Variants in GCSAM observed in about 807,000 individuals in gnomAD.
The protein encoded by GCSAM is germinal center associated signaling and motility.
In GCSAM, 8 loss-of-function variants were observed where a neutral mutation model predicts 17.6. That is an observed-to-expected ratio of 0.46 (90% CI 0.27 to 0.82). The LOEUF (loss-of-function observed/expected upper bound fraction) is 0.82. GCSAM is among the 40% of genes least tolerant of loss of function. GCSAM has a pLI of 0.15. For synonymous variants in GCSAM, 68 were observed against 69.0 expected (o/e 0.98, Z 0.07); for missense variants, 192 against 213.5 (o/e 0.90, Z 0.63).
chr3:112,131,554 T>A (rs770360348), intron 1 of GCSAM, among the ~76,000 whole-genome samples: 1 of 152,168 alleles, frequency 6.6e-6, no homozygotes, highest in Non-Finnish European at 1.5e-5. Context: ...CTCAAACTCC[T>A]GGGCTCAAGC....
intron 2 of GCSAM, chr3:112,128,571 T>C (rs2074382565): frequency 4.0e-6 from 1 of 248,078 alleles, no homozygotes; most frequent in South Asian, 5.2e-5. Flanking sequence ...TTCATCGTGG[T>C]ATGTATTTCC....
chr3:112,130,343 C>T (rs1446954213), intron 2 of GCSAM, 102 bp downstream of exon 2: 30 of 909,992 alleles, frequency 3.3e-5, no homozygotes, highest in Non-Finnish European at 4.8e-5. Context: ...TGCTACTGGT[C>T]TAAACAGGGC....
chr3:112,132,398 G>A (rs902444126), intron 1 of GCSAM, among the ~76,000 whole-genome samples: 2 of 152,108 alleles, frequency 1.3e-5, no homozygotes, highest in Non-Finnish European at 2.9e-5. Flanking sequence ...CTTGTCTGTG[G>A]TGGCACTATT....
In GCSAM at chr3:112,133,140, C is replaced by A; in HGVS notation, c.-20G>T. 3 of 1,613,784 alleles carry A rather than the reference C, an allele frequency of 1.9e-6. No homozygotes were observed. The highest frequency in any genetic ancestry group is 1.1e-5 in the South Asian group (1 of 91,070). ...TCCCATCCTCTCAGTCCTCTCAGGG[C>A]TTCCCCTCCGTCCCTTTACCACTTC... On this transcript the variant is annotated 5_prime_UTR_variant, in exon 1 of 6. Transcript: ENST00000308910.
chr3:112,127,236 C>T (rs2074346172), intron 3 of GCSAM, among the ~76,000 whole-genome samples: 1 of 152,154 alleles, frequency 6.6e-6, no homozygotes, highest in Non-Finnish European at 1.5e-5. Context: ...GCCTCTTTCT[C>T]TCTCTCCTCC....
intron 3 of GCSAM, 130 bp downstream of exon 3, chr3:112,127,887 C>A: frequency 1.4e-6 from 1 of 723,056 alleles, no homozygotes; most frequent in Non-Finnish European, 2.5e-6. Context: ...CTGATTAACT[C>A]TTAGGTGATT....
At chr3:112,125,114 C>A in intron 5 of GCSAM, 112 bp downstream of exon 5, 1 of 755,854 alleles carries the variant, frequency 1.3e-6, no homozygotes, top group Non-Finnish European at 2.4e-6. Flanking sequence ...CATCTAAAGT[C>A]TTTCTCCATG....
intron 1 of GCSAM, 68 bp downstream of exon 1, chr3:112,133,024 T>C: frequency 6.5e-7 from 1 of 1,533,586 alleles, no homozygotes; most frequent in Non-Finnish European, 9.0e-7. Context: ...ACTAGCTTTC[T>C]TTTTCTCTTC....
rs373159493 is a variant in GCSAM at position 112,123,757 on chromosome 3, T to C, written c.235A>G (p.Thr79Ala). ...GTATAGCACAGCTCCTCTGAGTAGG[T>C]CTGGTCAACATTGTCCTGCTTGTCA... ...STPIQDNVDQ[T>A]YSEELCYTLI... Residue 79 changes from threonine to alanine, a missense_variant, in exon 6 of 6, where the codon ACC becomes GCC. Coordinates refer to ENST00000308910, the MANE Select transcript of GCSAM (RefSeq NM_152785.5). 6.2e-7 allele frequency: 1 copy of C among 1,612,848 alleles called. No individual in the cohort carries two copies. Among genetic ancestry groups the C allele is most frequent in the Non-Finnish European group, 8.5e-7 (1 of 1,179,220 alleles).
chr3:112,120,902 C>T lies in GCSAM; in HGVS notation c.*2553G>A, dbSNP rs970242877. 1 of 152,114 alleles carries T rather than the reference C, an allele frequency of 6.6e-6. No homozygotes were observed. The highest frequency in any genetic ancestry group is 1.5e-5 in the Non-Finnish European group (1 of 68,022). 9.4% of individuals were successfully genotyped at this position (152,114 alleles called of 1,614,324 possible). A position where few individuals can be genotyped will look rare whatever the true frequency, so the allele number is the denominator to read the frequency against. ...GACATCCTACATATTAAGTATATTA[C>T]ACTCATATCAGAATTTTTTAACTCT... On this transcript the variant is annotated 3_prime_UTR_variant, in exon 6 of 6. Transcript: ENST00000308910.
intron 1 of GCSAM, 34 bp downstream of exon 1, chr3:112,133,058 C>T: frequency 6.2e-7 from 1 of 1,607,064 alleles, no homozygotes; most frequent in East Asian, 2.2e-5. Context: ...CCTGTCCCAT[C>T]TCCTCTGCTC....
rs530337380 is a variant in GCSAM, at chr3:112,128,166, C to T, written c.99-105G>A. On this transcript the variant is annotated intron_variant, in intron 2 of 5. Transcript: ENST00000308910. ...TTCTGTGGAAAACTTTTTTTCTCCC[C>T]GCAAGCGTGTTTCATTCTAGATAAC... The T allele has an allele frequency of 5.5e-4, 514 of 939,820 alleles. 5 individuals are homozygous for T. Among genetic ancestry groups the T allele is most frequent in the South Asian group, 5.1e-3 (377 of 73,484 alleles). 58.2% of individuals were successfully genotyped at this position (939,820 alleles called of 1,614,324 possible).
chr3:112,127,048 C>T lies in GCSAM; in HGVS notation c.144-15G>A. On this transcript the variant is annotated splice_polypyrimidine_tract_variant and intron_variant, in intron 3 of 5. Coordinates refer to ENST00000308910, the MANE Select transcript of GCSAM (RefSeq NM_152785.5). ...GTATTTTTTTCCTGTAAAAGAAAAG[C>T]AAAGCAAATTGTTTTAATATTCAGA... 3.3e-6 allele frequency: 5 copies of T among 1,538,020 alleles called. No individual in the cohort carries two copies. The highest frequency in any genetic ancestry group is 4.5e-6 in the Non-Finnish European group (5 of 1,116,344).
At chr3:112,126,589 A>T (rs867761929) in intron 4 of GCSAM, among the ~76,000 whole-genome samples, 2 of 152,066 alleles carry the variant, frequency 1.3e-5, no homozygotes, top group Middle Eastern at 3.2e-3. Context: ...CCGCCTCCCC[A>T]CTGTGTAAAG....
At chr3:112,124,738 T>C (rs991017598) in intron 5 of GCSAM, among the ~76,000 whole-genome samples, 7 of 152,240 alleles carry the variant, frequency 4.6e-5, no homozygotes, top group South Asian at 4.1e-4. Flanking sequence ...GTTTCACTTA[T>C]GATGGGATAT....
intron 2 of GCSAM, chr3:112,128,567 G>A (rs754005533): frequency 2.0e-5 from 5 of 249,722 alleles, no homozygotes; most frequent in South Asian, 5.1e-5. Context: ...CTTGTTCATC[G>A]TGGTATGTAT....
intron 2 of GCSAM, chr3:112,129,593 T>C (rs2074404654): frequency 6.6e-6 from 1 of 152,214 alleles, no homozygotes; most frequent in African/African-American, 2.4e-5. Flanking sequence ...CTCTCCCTTG[T>C]TATAATGCCG....
chr3:112,123,605 T>A lies in GCSAM; in HGVS notation c.387A>T (p.Ser129=). Residue 129 remains serine (S), a synonymous_variant, in exon 6 of 6, where the codon TCA becomes TCT. Transcript: ENST00000308910. ...ESLGGTETEY[S]LLHMPSTDPR... The stretch of plus-strand genomic sequence containing the variant: ...GGTCTGTAGAAGGCATATGTAGAAG[T>A]GAATACTCAGTCTCAGTTCCTCCCA... 1 of 1,614,078 alleles carries A rather than the reference T, an allele frequency of 6.2e-7. No homozygotes were observed. The highest frequency in any genetic ancestry group is 8.5e-7 in the Non-Finnish European group (1 of 1,179,982).
At chr3:112,126,915 A>G (rs2074333353) in intron 4 of GCSAM, 72 bp downstream of exon 4, 3 of 1,038,074 alleles carry the variant, frequency 2.9e-6, no homozygotes, top group Non-Finnish European at 3.0e-6. Context: ...GGGCTTTGGG[A>G]ACATAGAGAA....
Sources: gnomAD v4.1 joint callset for allele counts (sites outside exome capture counted in the v4.1 genomes callset) on GRCh38, gnomAD v4.1.1 for gene constraint, MANE v1.5 for transcripts, NCBI Gene and HGNC (gene_info 2026-07-23, HGNC 2026-07-21) for gene names.